The following GATAD2A variants were observed in gnomAD, a reference collection of about 807,000 sequenced individuals.
The protein encoded by GATAD2A is transcriptional repressor p66-alpha.
A neutral mutation model predicts 68.5 loss-of-function variants in GATAD2A; 12 were observed. The ratio of observed to expected loss-of-function variants is 0.18; its 90% CI spans 0.11 to 0.28. The LOEUF (loss-of-function observed/expected upper bound fraction) is 0.28, where lower values mean the gene tolerates loss of function less well. Among genes scored for constraint, GATAD2A ranks in the 10% least tolerant of loss-of-function variants. The pLI, the probability that GATAD2A is intolerant of heterozygous loss-of-function variation, is 1.00. For synonymous variants in GATAD2A, 410 were observed against 375.3 expected (o/e 1.09, Z -1.07); for missense variants, 755 against 868.5 (o/e 0.87, Z 1.64).
At chr19:19,437,733 T>C (rs1401631934) in intron 1 of GATAD2A, among the ~76,000 whole-genome samples, 3 of 152,256 alleles carry the variant, frequency 2.0e-5, no homozygotes, top group Non-Finnish European at 4.4e-5. Flanking sequence ...TCATCCACAT[T>C]GTAAGCATGA....
intron 7 of GATAD2A, 106 bp from the exon 8 acceptor site, chr19:19,498,337 G>A (rs1234717377): frequency 3.0e-6 from 3 of 991,618 alleles, no homozygotes; most frequent in Non-Finnish European, 1.5e-6. Flanking sequence ...CCATCGTCAA[G>A]GGTACTGGTT....
At chr19:19,417,771 C>T (rs965102888) in intron 1 of GATAD2A, among the ~76,000 whole-genome samples, 10 of 152,078 alleles carry the variant, frequency 6.6e-5, no homozygotes, top group Admixed American at 1.3e-4. Flanking sequence ...ATTTGCCTGA[C>T]GGAATAAAAA....
intron 1 of GATAD2A, among the ~76,000 whole-genome samples, chr19:19,412,247 C>T (rs559976461): frequency 2.5e-4 from 38 of 151,840 alleles, no homozygotes; most frequent in Non-Finnish European, 4.7e-4. Flanking sequence ...GCTCCGCCTC[C>T]GGGGTTCATG....
At chr19:19,465,295 T>G in intron 1 of GATAD2A, 45 bp from the exon 2 acceptor site, 1 of 1,474,912 alleles carries the variant, frequency 6.8e-7, no homozygotes, top group Non-Finnish European at 9.5e-7. Flanking sequence ...GGTGGCACCT[T>G]CATTGCACCC....
intron 1 of GATAD2A, among the ~76,000 whole-genome samples, chr19:19,410,921 T>C (rs2050845875): frequency 6.6e-6 from 1 of 152,192 alleles, no homozygotes; most frequent in Non-Finnish European, 1.5e-5. Flanking sequence ...CAAGTGCAAA[T>C]GATCGACCCC....
intron 2 of GATAD2A, chr19:19,474,309 C>A: frequency 4.1e-6 from 1 of 245,508 alleles, no homozygotes; most frequent in East Asian, 1.8e-4. Context: ...TTCTGACTCA[C>A]GTGTGCACCT....
intron 1 of GATAD2A, among the ~76,000 whole-genome samples, chr19:19,439,165 C>A (rs995174720): frequency 6.6e-6 from 1 of 152,240 alleles, no homozygotes; most frequent in Admixed American, 6.5e-5. Context: ...ACACAACTCC[C>A]ACTTGTGTGT....
intron 1 of GATAD2A, among the ~76,000 whole-genome samples, chr19:19,446,772 C>T (rs2055771245): frequency 6.6e-6 from 1 of 152,190 alleles, no homozygotes; most frequent in East Asian, 1.9e-4. Context: ...TTGCCCAGGC[C>T]GATCTCAAAC....
intron 2 of GATAD2A, 60 bp downstream of exon 2, chr19:19,465,674 G>T: frequency 1.3e-6 from 2 of 1,533,384 alleles, no homozygotes; most frequent in East Asian, 2.4e-5. Context: ...GTGTGCCCAG[G>T]TTGGGGCTGG....
chr19:19,447,825 A>G (rs1418863904), intron 1 of GATAD2A, among the ~76,000 whole-genome samples: 1 of 152,170 alleles, frequency 6.6e-6, no homozygotes, highest in African/African-American at 2.4e-5. Context: ...GCAACAGATG[A>G]ATTTTTGGTT....
chr19:19,431,907 T>C (rs1048913814), intron 1 of GATAD2A, among the ~76,000 whole-genome samples: 2 of 151,698 alleles, frequency 1.3e-5, no homozygotes, highest in Admixed American at 1.3e-4. Flanking sequence ...GTCGGGATGG[T>C]GGGCCTCTGT....
At chr19:19,416,893 C>T (rs2051711971) in intron 1 of GATAD2A, among the ~76,000 whole-genome samples, 1 of 151,962 alleles carries the variant, frequency 6.6e-6, no homozygotes, top group African/African-American at 2.4e-5. Context: ...TCCCAAGTAG[C>T]TGGGATTACA....
chr19:19,412,248 G>T (rs867991563), intron 1 of GATAD2A, among the ~76,000 whole-genome samples: 1 of 151,206 alleles, frequency 6.6e-6, no homozygotes, highest in African/African-American at 2.4e-5. Flanking sequence ...CTCCGCCTCC[G>T]GGGTTCATGC....
intron 1 of GATAD2A, among the ~76,000 whole-genome samples, chr19:19,428,537 C>T (rs1329482745): frequency 6.6e-6 from 1 of 152,170 alleles, no homozygotes; most frequent in Non-Finnish European, 1.5e-5. Context: ...ATTGGGCCCA[C>T]TGTTTAACTG....
At chr19:19,416,043 C>T (rs1034686179) in intron 1 of GATAD2A, among the ~76,000 whole-genome samples, 3 of 152,060 alleles carry the variant, frequency 2.0e-5, no homozygotes, top group Non-Finnish European at 4.4e-5. Flanking sequence ...ACTATAGCCT[C>T]GACCTCCTGG....
At chr19:19,453,909 G>A (rs1043530728) in intron 1 of GATAD2A, among the ~76,000 whole-genome samples, 8 of 150,766 alleles carry the variant, frequency 5.3e-5, no homozygotes, top group Non-Finnish European at 1.0e-4. Context: ...TGATCCACCC[G>A]TCTTGGCCTC....
intron 1 of GATAD2A, among the ~76,000 whole-genome samples, chr19:19,417,641 C>G (rs1055380197): frequency 6.6e-6 from 1 of 152,170 alleles, no homozygotes; most frequent in African/African-American, 2.4e-5. Flanking sequence ...GGAGACTGTT[C>G]ATACTTCACT....
chr19:19,455,908 TG>T (rs2056880899), intron 1 of GATAD2A, among the ~76,000 whole-genome samples: 1 of 152,176 alleles, frequency 6.6e-6, no homozygotes, highest in Admixed American at 6.5e-5. Flanking sequence ...CCCAGCACTT[TG>T]GGAGGCTGAG....
At chr19:19,442,005 G>T (rs2055153201) in intron 1 of GATAD2A, among the ~76,000 whole-genome samples, 2 of 152,126 alleles carry the variant, frequency 1.3e-5, no homozygotes. Flanking sequence ...GGGATTACAG[G>T]CAAGCATCAC....
Sources: allele counts gnomAD v4.1 joint callset (sites outside exome capture counted in the v4.1 genomes callset), GRCh38; gene constraint gnomAD v4.1.1; transcripts MANE v1.5; gene names NCBI Gene and HGNC (gene_info 2026-07-23, HGNC 2026-07-21).